Variants in SEL1L3 observed in about 807,000 individuals in gnomAD.
SEL1L3 encodes SEL1L family member 3.
A neutral mutation model predicts 142.8 loss-of-function variants in SEL1L3; 76 were observed. The observed-to-expected ratio is 0.53, with a 90% confidence interval of 0.44 to 0.64. SEL1L3 has a LOEUF of 0.64. Ranked by LOEUF, SEL1L3 falls within the 30% of genes least tolerant of loss-of-function variation. The pLI, the probability that SEL1L3 is intolerant of heterozygous loss-of-function variation, is 0.00. For synonymous variants in SEL1L3, 504 were observed against 519.6 expected (o/e 0.97, Z 0.41); for missense variants, 1,262 against 1,381.7 (o/e 0.91, Z 1.37).
intron 1 of SEL1L3, among the ~76,000 whole-genome samples, chr4:25,855,750 G>C (rs1327215332): frequency 6.6e-6 from 1 of 151,790 alleles, no homozygotes; most frequent in East Asian, 1.9e-4. Context: ...AACAGAGCGA[G>C]ATTCCGTCTC....
the SEL1L3 span, among the ~76,000 whole-genome samples, chr4:25,724,659 C>T: frequency 2.2e-5 from 3 of 136,174 alleles, no homozygotes; most frequent in African/African-American, 5.7e-5. Flanking sequence ...ATGGCGTGAA[C>T]CCGGGAGGCG....
chr4:25,814,772 T>G (rs984197482), intron 9 of SEL1L3, among the ~76,000 whole-genome samples: 10 of 150,952 alleles, frequency 6.6e-5, no homozygotes, highest in Middle Eastern at 3.4e-3. Flanking sequence ...CTCATTTTTT[T>G]TTACCCTCAA....
chr4:25,753,835 T>C (rs921709221), intron 23 of SEL1L3, among the ~76,000 whole-genome samples: 22 of 151,588 alleles, frequency 1.5e-4, no homozygotes, highest in African/African-American at 5.3e-4. Context: ...AGTACAAAAA[T>C]CAGCTGGGGG....
chr4:25,770,140 A>C (rs1359897018), intron 17 of SEL1L3: 2 of 152,028 alleles, frequency 1.3e-5, no homozygotes, highest in Non-Finnish European at 2.9e-5. Flanking sequence ...AAAAAAAAGA[A>C]TTTTTTCTTA....
chr4:25,841,297 G>A (rs985432844), intron 2 of SEL1L3, among the ~76,000 whole-genome samples: 1 of 152,146 alleles, frequency 6.6e-6, no homozygotes, highest in African/African-American at 2.4e-5. Context: ...GCCTCCCAAA[G>A]TGCTGGGATC....
intron 19 of SEL1L3, 56 bp downstream of exon 19, chr4:25,767,469 T>C (rs1351895650): frequency 3.4e-6 from 3 of 875,410 alleles, no homozygotes; most frequent in Non-Finnish European, 5.6e-6. Context: ...TGTTCCCTGT[T>C]ACTAAAGATT....
At chr4:25,765,580 A>G in intron 19 of SEL1L3, 145 bp from the exon 20 acceptor site, 2 of 608,024 alleles carry the variant, frequency 3.3e-6, no homozygotes, top group Admixed American at 3.0e-5. Context: ...ATGTGTCAAG[A>G]GAGAAACAAG....
chr4:25,856,355 G>A (rs1717253447), intron 1 of SEL1L3, among the ~76,000 whole-genome samples: 1 of 152,286 alleles, frequency 6.6e-6, no homozygotes, highest in Admixed American at 6.5e-5. Context: ...TTGGGGTGAA[G>A]AGGGGCATCT....
At chr4:25,784,691 C>T (rs977604153) in intron 13 of SEL1L3, among the ~76,000 whole-genome samples, 1 of 152,198 alleles carries the variant, frequency 6.6e-6, no homozygotes, top group Non-Finnish European at 1.5e-5. Context: ...ACCAGGTTGT[C>T]GCTTGCAGGC....
chr4:25,862,003 C>G (rs550316957), intron 1 of SEL1L3: 1 of 152,188 alleles, frequency 6.6e-6, no homozygotes, highest in African/African-American at 2.4e-5. Flanking sequence ...CATGCATGAG[C>G]CAAACATATT....
rs1057477600 is a variant in SEL1L3, at chr4:25,777,903, A to G, written c.2585+1173T>C. On this transcript the variant is annotated intron_variant, in intron 16 of 23. Transcript: ENST00000399878. ...TCGACAAACTTTTTCTGTAAAGAGC[A>G]GGATAGTAAATATCTTAAGCTTTGT... The G allele has an allele frequency of 2.4e-5, 11 of 455,556 alleles. No homozygotes were observed. In the Admixed American group the frequency reaches 2.6e-4, roughly 11 times the overall value. 28.2% of individuals were successfully genotyped at this position (455,556 alleles called of 1,614,324 possible). A position where few individuals can be genotyped will look rare whatever the true frequency, so the allele number is the denominator to read the frequency against.
the SEL1L3 span, among the ~76,000 whole-genome samples, chr4:25,727,190 C>T: frequency 1.3e-5 from 2 of 152,004 alleles, no homozygotes; most frequent in Non-Finnish European, 2.9e-5. Flanking sequence ...GTAGCTGGGA[C>T]TACAGGCCTG....
intron 17 of SEL1L3, among the ~76,000 whole-genome samples, chr4:25,769,907 C>A (rs934850471): frequency 6.6e-6 from 1 of 152,080 alleles, no homozygotes; most frequent in Non-Finnish European, 1.5e-5. Context: ...GCGGGAAGAT[C>A]GCTTGAGCTC....
the SEL1L3 span, among the ~76,000 whole-genome samples, chr4:25,729,150 G>C: frequency 1.3e-5 from 2 of 152,118 alleles, no homozygotes; most frequent in African/African-American, 4.8e-5. Flanking sequence ...CTCTCGTTTT[G>C]AGATTTTGAC....
rs1471196233 is a variant in SEL1L3, at chr4:25,758,946, G to C, written c.3078C>G (p.Tyr1026Ter). ...TCTAGAGGCTCTGAGCTCACCTTTC[G>C]TACAGTTCCTGGAGAATGGAGATGT... ...SNNISILQEL[Y>*]ERCWSHSNEE... is the part of the protein sequence containing the mutation. Residue 1026 changes from tyrosine (Y) to a stop codon, truncating the protein, a stop_gained, in exon 21 of 24, where the codon TAC (tyrosine) becomes TAG (stop). Transcript: ENST00000399878. LOFTEE classifies it high-confidence loss of function. The C allele has an allele frequency of 1.2e-6, 2 of 1,613,332 alleles. No homozygotes were observed. The highest frequency in any genetic ancestry group is 1.7e-6 in the Non-Finnish European group (2 of 1,179,678).
rs201132898 is a variant in SEL1L3 at position 25,773,129 on chromosome 4, T to TA, written c.2669+3147dup. Among the ~76,000 whole-genome samples, 859 of 152,000 alleles carry TA rather than the reference T, an allele frequency of 5.7e-3. 5 individuals are homozygous for TA. The highest frequency in any genetic ancestry group is 9.1e-3 in the Non-Finnish European group (617 of 67,966). ...TGAATCTTAGGAGCATTATGTTAAGTAAAAAAAAGCAGTTGAAGAATTATA... is the reference window on the plus strand; with the variant it reads ...TGAATCTTAGGAGCATTATGTTAAGTAAAAAAAAAGCAGTTGAAGAATTATA... On this transcript the variant is annotated intron_variant, in intron 17 of 23. Coordinates refer to ENST00000399878, the MANE Select transcript of SEL1L3 (RefSeq NM_015187.5).
At chr4:25,791,082 G>GTGTT (rs1712301679) in intron 11 of SEL1L3, among the ~76,000 whole-genome samples, 1 of 152,216 alleles carries the variant, frequency 6.6e-6, no homozygotes, top group Admixed American at 6.5e-5. Context: ...TTGTTTCGAA[G>GTGTT]TCCACTTCGT....
chr4:25,746,691 T>A (rs1286061167), downstream of SEL1L3, among the ~76,000 whole-genome samples: 1 of 151,736 alleles, frequency 6.6e-6, no homozygotes, highest in African/African-American at 2.4e-5. Context: ...GTAAGACATG[T>A]CTGCTTCTCC....
Position 25,818,118 on chromosome 4 carries a change from C to A in SEL1L3, c.1564+20G>T. ...AGCCTTTCTAACCAGCGCCTAAAGC[C>A]GAGGCAAAGACTCAATTACCGGTCA... On this transcript the variant is annotated intron_variant, in intron 9 of 23. Transcript: ENST00000399878. 1 of 1,608,064 alleles carries A rather than the reference C, an allele frequency of 6.2e-7. No individual in the cohort carries two copies. The highest frequency in any genetic ancestry group is 8.5e-7 in the Non-Finnish European group (1 of 1,177,216).
Sources: allele counts gnomAD v4.1 joint callset (sites outside exome capture counted in the v4.1 genomes callset), GRCh38; gene constraint gnomAD v4.1.1; transcripts MANE v1.5; gene names NCBI Gene and HGNC (gene_info 2026-07-23, HGNC 2026-07-21).